The following IQCM variants were observed in gnomAD, a reference collection of about 807,000 sequenced individuals.
IQCM encodes IQ motif containing M.
IQCM carries 45 observed loss-of-function variants against 57.6 expected under a neutral mutation model. The ratio of observed to expected loss-of-function variants is 0.78; its 90% CI spans 0.62 to 1.00. IQCM has a LOEUF of 1.00. IQCM is among the 50% of genes least tolerant of loss of function. IQCM has a pLI of 0.00. For missense variants in IQCM, 468 were observed against 511.6 expected (o/e 0.91, Z 0.82); for synonymous variants, 148 against 158.9 (o/e 0.93, Z 0.51).
At chr4:149,778,051 T>G (rs1288075064) in intron 2 of IQCM, among the ~76,000 whole-genome samples, 1 of 152,112 alleles carries the variant, frequency 6.6e-6, no homozygotes, top group African/African-American at 2.4e-5. Flanking sequence ...AGAAAGAAAG[T>G]CTCAAGGGAA....
intron 5 of IQCM, among the ~76,000 whole-genome samples, chr4:149,686,805 T>A (rs1762573989): frequency 6.6e-6 from 1 of 151,508 alleles, no homozygotes; most frequent in African/African-American, 2.4e-5. Flanking sequence ...ATTATTATAA[T>A]CATTATCATC....
intron 12 of IQCM, among the ~76,000 whole-genome samples, chr4:149,524,261 G>C (rs1745943732): frequency 6.6e-6 from 1 of 152,092 alleles, no homozygotes; most frequent in Admixed American, 6.5e-5. Context: ...TGTACTGACT[G>C]AGGAGCAGCA....
chr4:149,401,657 G>A (rs1035323886), intron 13 of IQCM, among the ~76,000 whole-genome samples: 1 of 151,768 alleles, frequency 6.6e-6, no homozygotes, highest in African/African-American at 2.4e-5. Flanking sequence ...TACAATGAAA[G>A]TATGATTTAA....
chr4:149,743,943 C>T (rs1767691780), intron 2 of IQCM, among the ~76,000 whole-genome samples: 1 of 152,168 alleles, frequency 6.6e-6, no homozygotes, highest in Non-Finnish European at 1.5e-5. Context: ...GACCCTTGTT[C>T]TAAGATTCTA....
Position 149,369,954 on chromosome 4 carries a change from G to C in IQCM, c.1391-17888C>G, listed in dbSNP as rs775474395. Among the ~76,000 whole-genome samples the C allele has an allele frequency of 8.5e-5, 13 of 152,286 alleles. No homozygotes were observed. The South Asian group carries it at 1.0e-3, about 12-fold the overall frequency. Reference sequence around the variant, plus strand: ...TCAGTCACTCAGGTTGGAGTGCAGTGGTGCAATTACGGCTCACTGCAGCCT... The same window carrying C: ...TCAGTCACTCAGGTTGGAGTGCAGTCGTGCAATTACGGCTCACTGCAGCCT... On this transcript the variant is annotated intron_variant, in intron 13 of 13. Coordinates refer to ENST00000636793, the MANE Select transcript of IQCM (RefSeq NM_001363507.2).
At chr4:149,624,033 T>A (rs1301156044) in intron 7 of IQCM, among the ~76,000 whole-genome samples, 1 of 152,174 alleles carries the variant, frequency 6.6e-6, no homozygotes, top group Non-Finnish European at 1.5e-5. Flanking sequence ...ATCAAAAAAA[T>A]ATTAATTCAT....
At chr4:149,548,115 T>A (rs1212346838) in intron 12 of IQCM, among the ~76,000 whole-genome samples, 2 of 152,188 alleles carry the variant, frequency 1.3e-5, no homozygotes, top group Admixed American at 6.5e-5. Context: ...CTAGCATCAG[T>A]ATTTAAAATA....
intron 2 of IQCM, among the ~76,000 whole-genome samples, chr4:149,754,308 A>T (rs950005306): frequency 2.0e-5 from 3 of 152,072 alleles, no homozygotes; most frequent in African/African-American, 4.8e-5. Context: ...TCAACATTAA[A>T]GCCCCTCCCC....
chr4:149,690,945 G>T (rs946123384), intron 5 of IQCM: 3 of 152,076 alleles, frequency 2.0e-5, no homozygotes, highest in Non-Finnish European at 1.5e-5. Flanking sequence ...AACTTCAGGG[G>T]ATTCATCAGT....
intron 5 of IQCM, among the ~76,000 whole-genome samples, chr4:149,696,244 A>G (rs1280215854): frequency 6.6e-6 from 1 of 152,170 alleles, no homozygotes; most frequent in Non-Finnish European, 1.5e-5. Context: ...AGTATTTGTC[A>G]GCTTTTTGCT....
At chr4:149,597,720 T>C (rs1753911334) in intron 8 of IQCM, among the ~76,000 whole-genome samples, 5 of 152,134 alleles carry the variant, frequency 3.3e-5, no homozygotes, top group Admixed American at 3.3e-4. Flanking sequence ...AATTAGAGTT[T>C]TATACAGAAA....
intron 13 of IQCM, among the ~76,000 whole-genome samples, chr4:149,419,110 T>G (rs1327275033): frequency 6.6e-6 from 1 of 152,078 alleles, no homozygotes; most frequent in Non-Finnish European, 1.5e-5. Flanking sequence ...AAACTACCAT[T>G]GAGATTCTTC....
chr4:149,692,460 T>C (rs187331629), intron 5 of IQCM, among the ~76,000 whole-genome samples: 120 of 152,274 alleles, frequency 7.9e-4, no homozygotes, highest in African/African-American at 2.7e-3. Context: ...GAGCTTGTGT[T>C]AATACAATAA....
At chr4:149,538,390 C>T (rs1228857177) in intron 12 of IQCM, among the ~76,000 whole-genome samples, 2 of 151,652 alleles carry the variant, frequency 1.3e-5, no homozygotes, top group South Asian at 2.1e-4. Context: ...TTAAAATATA[C>T]TTTAAAAATT....
At chr4:149,398,282 T>A (rs1291626672) in intron 13 of IQCM, among the ~76,000 whole-genome samples, 1 of 152,036 alleles carries the variant, frequency 6.6e-6, no homozygotes, top group Non-Finnish European at 1.5e-5. Flanking sequence ...CTTTGTAATA[T>A]ATTTTGAAGT....
In IQCM at chr4:149,733,339, T is replaced by C. The variant is rs1766637903; in HGVS notation, c.290A>G (p.Glu97Gly). 1.6e-6 allele frequency: 2 copies of C among 1,231,678 alleles called. No individual in the cohort carries two copies. Among genetic ancestry groups the C allele is most frequent in the African/African-American group, 3.1e-5 (2 of 64,362 alleles). 76.3% of individuals were successfully genotyped at this position (1,231,678 alleles called of 1,614,324 possible). ...TCGTTGTGGGGGTTCCTGAAGATGC[T>C]CGCTTTTGGAAAGCTCCTTGGGAAA... Reference protein sequence around the residue: ...ICFPKELSKSEHLQEPPQRIS... With the variant: ...ICFPKELSKSGHLQEPPQRIS... The change falls in exon 5 of 14, where the codon GAG becomes GGG. Residue 97 changes from glutamate (E) to glycine (G), a missense_variant. By Grantham distance (98) the Glu-to-Gly change is moderately conservative. Coordinates refer to ENST00000636793, the MANE Select transcript of IQCM (RefSeq NM_001363507.2).
intron 12 of IQCM, among the ~76,000 whole-genome samples, chr4:149,501,669 A>C (rs951514371): frequency 1.3e-5 from 2 of 152,212 alleles, no homozygotes; most frequent in Non-Finnish European, 1.5e-5. Flanking sequence ...TGATCTCCAA[A>C]TTATCCTGCT....
chr4:149,499,226 C>G (rs755841226), intron 12 of IQCM, among the ~76,000 whole-genome samples: 1 of 152,104 alleles, frequency 6.6e-6, no homozygotes, highest in Admixed American at 6.6e-5. Context: ...ATGCAGAGAA[C>G]AGGAAATGTC....
intron 7 of IQCM, among the ~76,000 whole-genome samples, chr4:149,657,438 A>G (rs1434236485): frequency 6.6e-6 from 1 of 152,058 alleles, no homozygotes; most frequent in East Asian, 1.9e-4. Flanking sequence ...GGTTGATTCT[A>G]TTTCTTGGAT....
Sources: gnomAD v4.1 joint callset for allele counts (sites outside exome capture counted in the v4.1 genomes callset) on GRCh38, gnomAD v4.1.1 for gene constraint, MANE v1.5 for transcripts, NCBI Gene and HGNC (gene_info 2026-07-23, HGNC 2026-07-21) for gene names.